POLA1: variants seen among roughly 807,000 people sequenced by gnomAD.
POLA1 encodes DNA polymerase alpha 1, catalytic subunit, also known as DNA polymerase alpha catalytic subunit.
Under a neutral mutation model 124.0 loss-of-function variants are expected in POLA1, and 15 were observed. The ratio of observed to expected loss-of-function variants is 0.12; its 90% CI spans 0.08 to 0.19. POLA1 has a LOEUF of 0.19. Among genes scored for constraint, POLA1 ranks in the 10% least tolerant of loss-of-function variants. The pLI is 1.00. For synonymous variants in POLA1, 408 were observed against 389.4 expected, an observed-to-expected ratio of 1.05 and a Z score of -0.56; for missense variants, 886 against 1,103.4, an observed-to-expected ratio of 0.80 and a Z score of 2.79.
chrX:24,952,893 C>T (rs2048064419), intron 36 of POLA1, among the ~76,000 whole-genome samples: 1 of 112,039 alleles, frequency 8.9e-6, no homozygotes. Context: ...TGTGGTGATA[C>T]AGTGAGTGCT....
chrX:24,788,727 C>T, intron 26 of POLA1: 1 of 1,205,463 alleles, frequency 8.3e-7, no homozygotes, highest in Non-Finnish European at 1.1e-6. Flanking sequence ...AGCCTCTTTG[C>T]TTCTTCACTT....
rs145091542 is a variant in POLA1, at chrX:24,964,220, C to G, written c.4262-31585C>G. Among the ~76,000 whole-genome samples, 528 of 112,417 alleles carry G rather than the reference C, an allele frequency of 4.7e-3. 5 individuals carry two copies. Among genetic ancestry groups the G allele is most frequent in the African/African-American group, 0.016 (487 of 30,995 alleles). On this transcript the variant is annotated intron_variant, in intron 36 of 36. Coordinates refer to ENST00000379068, the MANE Select transcript of POLA1 (RefSeq NM_001330360.2). ...TCACAGACTTTCAGCTAATAAATGT[C>G]TTATGATAATTAATTCTACCCCCAG...
intron 12 of POLA1, 143 bp from the exon 13 acceptor site, chrX:24,725,838 G>C: frequency 2.4e-6 from 1 of 417,801 alleles, no homozygotes; most frequent in Admixed American, 4.9e-5. Context: ...CCAATTGAAA[G>C]AGGAAAGGGT....
chrX:24,905,563 C>CCT lies in POLA1; in HGVS notation c.4164+17441_4164+17442insCT, dbSNP rs1491113971. On this transcript the variant is annotated intron_variant, in intron 35 of 36. Transcript: ENST00000379068. ...ACAAGTAATGGTGAACCCCCCCCCC[C>CCT]TTTTTTTTTTTTTTTTTGAGACAGA... Among the ~76,000 whole-genome samples the CCT allele has an allele frequency of 4.4e-3, 127 of 28,955 alleles. 3 individuals carry two copies. The highest frequency in any genetic ancestry group is 0.011 in the African/African-American group (125 of 11,814). The allele number at this position is 28,955 out of a possible 115,157, so 25.1% of individuals were successfully genotyped here.
intron 35 of POLA1, among the ~76,000 whole-genome samples, chrX:24,894,861 A>C (rs2047187652): frequency 9.3e-6 from 1 of 107,194 alleles, no homozygotes; most frequent in Admixed American, 1.0e-4. Context: ...GTCACAGCTC[A>C]CTGAAGCCTC....
chrX:24,939,305 C>T (rs1370037410), intron 36 of POLA1, among the ~76,000 whole-genome samples: 1 of 111,966 alleles, frequency 8.9e-6, no homozygotes, highest in Non-Finnish European at 1.9e-5. Flanking sequence ...AAAAATGAAA[C>T]AATTCGCAAG....
At chrX:24,927,928 CA>C (rs931947107) in intron 35 of POLA1, among the ~76,000 whole-genome samples, 1 of 111,467 alleles carries the variant, frequency 9.0e-6, no homozygotes, top group Non-Finnish European at 1.9e-5. Context: ...TTTTAAAAAA[CA>C]AAAAATCTCC....
chrX:24,751,195 G>A (rs1932303368), intron 26 of POLA1, among the ~76,000 whole-genome samples: 1 of 111,050 alleles, frequency 9.0e-6, no homozygotes, highest in African/African-American at 3.3e-5. Flanking sequence ...AATCCCTGTT[G>A]TTACATTTTC....
At chrX:24,783,723 A>G (rs1018655819) in intron 26 of POLA1, among the ~76,000 whole-genome samples, 1 of 112,098 alleles carries the variant, frequency 8.9e-6, no homozygotes, top group Non-Finnish European at 1.9e-5. Context: ...ATATATCCCA[A>G]TTAATAACAG....
intron 26 of POLA1, among the ~76,000 whole-genome samples, chrX:24,771,379 C>T (rs767957104): frequency 1.8e-5 from 2 of 111,735 alleles, no homozygotes; most frequent in Non-Finnish European, 3.8e-5. Context: ...CTAAGCAGTA[C>T]CTAGACATTG....
At chrX:24,786,968 G>T (rs965087579) in intron 26 of POLA1, among the ~76,000 whole-genome samples, 6 of 108,629 alleles carry the variant, frequency 5.5e-5, no homozygotes, top group African/African-American at 1.3e-4. Context: ...TAAAAGCAGG[G>T]TCTTGCTGTG....
chrX:24,958,164 C>T (rs1358166710), intron 36 of POLA1, among the ~76,000 whole-genome samples: 1 of 111,582 alleles, frequency 9.0e-6, no homozygotes, highest in Non-Finnish European at 1.9e-5. Context: ...TTGAGGTGAT[C>T]TTTGCGAGAA....
intron 34 of POLA1, among the ~76,000 whole-genome samples, chrX:24,862,614 A>G (rs1485930703): frequency 9.0e-6 from 1 of 111,529 alleles, no homozygotes; most frequent in Non-Finnish European, 1.9e-5. Context: ...GAAAAAAGAT[A>G]CTGTTGAAGA....
chrX:24,794,222 G>A (rs1311523149), intron 26 of POLA1, among the ~76,000 whole-genome samples: 3 of 111,330 alleles, frequency 2.7e-5, no homozygotes, highest in Admixed American at 9.5e-5. Flanking sequence ...CAAGTGATTC[G>A]CCCACCTTGG....
intron 26 of POLA1, among the ~76,000 whole-genome samples, chrX:24,795,278 C>T (rs185661895): frequency 1.8e-5 from 2 of 111,602 alleles, no homozygotes; most frequent in African/African-American, 6.5e-5. Flanking sequence ...TAATCAGTTT[C>T]CTTCTACCAT....
chrX:24,868,782 T>C, intron 34 of POLA1, among the ~76,000 whole-genome samples: 1 of 112,083 alleles, frequency 8.9e-6, no homozygotes. Flanking sequence ...CCAAGTAATA[T>C]GGGTCACATC....
In POLA1 at chrX:24,805,606, A is replaced by G. The variant is rs199550713; in HGVS notation, c.2965-4292A>G. Among the ~76,000 whole-genome samples the G allele has an allele frequency of 2.6e-4, 29 of 112,255 alleles. No individual in the cohort carries two copies. In the East Asian group the frequency reaches 7.2e-3, roughly 28 times the overall value. On this transcript the variant is annotated intron_variant, in intron 26 of 36. Transcript: ENST00000379068. ...TTGACATTACAGGGTAAGATCTTGA[A>G]CAATTATTCTCAACAGCTGTACTTT...
At chrX:24,877,956 C>A (rs1340914171) in intron 34 of POLA1, among the ~76,000 whole-genome samples, 2 of 100,718 alleles carry the variant, frequency 2.0e-5, no homozygotes, top group African/African-American at 7.3e-5. Context: ...CCTGAAAAAT[C>A]AATTCTCAAA....
intron 26 of POLA1, among the ~76,000 whole-genome samples, chrX:24,798,582 A>G (rs2045653009): frequency 1.8e-5 from 2 of 111,092 alleles, no homozygotes; most frequent in African/African-American, 6.6e-5. Flanking sequence ...TTCATATTGT[A>G]AGAAGAACAA....
Sources: allele counts gnomAD v4.1 joint callset (sites outside exome capture counted in the v4.1 genomes callset), GRCh38; gene constraint gnomAD v4.1.1; transcripts MANE v1.5; gene names NCBI Gene and HGNC (gene_info 2026-07-23, HGNC 2026-07-21).